The following USP15 variants were observed in gnomAD, a reference collection of about 807,000 sequenced individuals.
USP15 encodes ubiquitin specific peptidase 15.
A neutral mutation model predicts 127.1 loss-of-function variants in USP15; 18 were observed. That is an observed-to-expected ratio of 0.14 (90% CI 0.10 to 0.21). USP15 has a LOEUF of 0.21. Among genes scored for constraint, USP15 ranks in the 10% least tolerant of loss-of-function variants. USP15 has a pLI of 1.00. For missense variants in USP15, 805 were observed against 1,159.9 expected (o/e 0.69, Z 4.44); for synonymous variants, 364 against 393.7 (o/e 0.92, Z 0.89).
At chr12:62,326,846 T>C (rs1394748086) in intron 6 of USP15, among the ~76,000 whole-genome samples, 4 of 152,180 alleles carry the variant, frequency 2.6e-5, no homozygotes, top group Admixed American at 6.6e-5. Context: ...AAAACTACAA[T>C]GCCCTCCGGG....
chr12:62,389,323 C>T (rs1400003656), intron 11 of USP15, 108 bp from the exon 12 acceptor site: 10 of 894,018 alleles, frequency 1.1e-5, no homozygotes, highest in African/African-American at 3.4e-5. Flanking sequence ...GAGACAAACA[C>T]TAATCCAAAT....
At position 62,407,562 on chromosome 12, in the gene USP15, TTTAAAAA is replaced by T. The variant is rs2067910748; in HGVS notation, c.*3192_*3198del. ...TGGAATATTGACTAACCCATTCCCT[TTTAAAAA>T]TTAATTTCATTTAATTTATATACCT... On this transcript the variant is annotated 3_prime_UTR_variant, in exon 22 of 22. Coordinates refer to ENST00000280377, the MANE Select transcript of USP15 (RefSeq NM_001252078.2). 1 of 152,224 alleles carries T rather than the reference TTTAAAAA, an allele frequency of 6.6e-6. No homozygotes were observed. The highest frequency in any genetic ancestry group is 1.5e-5 in the Non-Finnish European group (1 of 68,036). 9.4% of individuals were successfully genotyped at this position (152,224 alleles called of 1,614,324 possible).
chr12:62,361,552 G>A (rs1470004461), intron 8 of USP15, among the ~76,000 whole-genome samples: 1 of 151,908 alleles, frequency 6.6e-6, no homozygotes, highest in East Asian at 1.9e-4. Context: ...GTATTGTAGT[G>A]ACTACATCTT....
rs1159779745 is a variant in USP15 at position 62,405,606 on chromosome 12, T to C, written c.*1231T>C. 6.6e-6 allele frequency: 1 copy of C among 152,590 alleles called. No homozygotes were observed. The highest frequency in any genetic ancestry group is 1.5e-5 in the Non-Finnish European group (1 of 68,008). 9.5% of individuals were successfully genotyped at this position (152,590 alleles called of 1,614,324 possible). On this transcript the variant is annotated 3_prime_UTR_variant, in exon 22 of 22. Transcript: ENST00000280377. ...TATTTGCTGCTTTTTCCCTTTGATATAGTTGAAAGAATGTATTGTAAATTG... is the reference window on the plus strand; with the variant it reads ...TATTTGCTGCTTTTTCCCTTTGATACAGTTGAAAGAATGTATTGTAAATTG...
In USP15 at chr12:62,370,524, T is replaced by C. The variant is rs76419975; in HGVS notation, c.916-10966T>C. 7.0e-3 allele frequency among the ~76,000 whole-genome samples: 1,063 copies of C among 152,302 alleles called. 9 individuals carry two copies. The highest frequency in any genetic ancestry group is 0.023 in the African/African-American group (969 of 41,562). ...GTGTGACCTTGGATAAGAAACTTCGTAGTTTCTTCATCTGTGAAATGAAGA... is the reference window on the plus strand; with the variant it reads ...GTGTGACCTTGGATAAGAAACTTCGCAGTTTCTTCATCTGTGAAATGAAGA... On this transcript the variant is annotated intron_variant, in intron 8 of 21. Transcript: ENST00000280377.
intron 1 of USP15, 71 bp downstream of exon 1, chr12:62,260,574 G>A (rs2063012750): frequency 6.9e-7 from 1 of 1,441,752 alleles, no homozygotes; most frequent in Admixed American, 2.1e-5. Flanking sequence ...GCCGCGAGCT[G>A]GTTCTTTCGC....
At chr12:62,337,591 C>T (rs1214648279) in intron 6 of USP15, among the ~76,000 whole-genome samples, 1 of 151,974 alleles carries the variant, frequency 6.6e-6, no homozygotes, top group Non-Finnish European at 1.5e-5. Flanking sequence ...TTTTAAGCCC[C>T]ACATGCATTA....
At position 62,314,172 on chromosome 12, in the gene USP15, A is replaced by G. The variant is rs1394175726; in HGVS notation, c.349-618A>G. On this transcript the variant is annotated intron_variant, in intron 3 of 21. Coordinates refer to ENST00000280377, the MANE Select transcript of USP15 (RefSeq NM_001252078.2). ...CTAAGTGTGTAGTTAAAGGTCAAAC[A>G]AAGTAAGTCACTGTAGGGTGAAACT... 7.6e-5 allele frequency: 20 copies of G among 261,738 alleles called. No individual in the cohort carries two copies. In the Admixed American group the frequency reaches 1.2e-3, roughly 16 times the overall value. The allele number at this position is 261,738 out of a possible 1,614,324, so 16.2% of individuals were successfully genotyped here.
chr12:62,351,099 A>G (rs1370050932), intron 7 of USP15, among the ~76,000 whole-genome samples: 1 of 152,092 alleles, frequency 6.6e-6, no homozygotes, highest in Non-Finnish European at 1.5e-5. Flanking sequence ...TTTTTCTAGC[A>G]AAATTGTTTA....
At chr12:62,328,285 GT>G (rs1464435377) in intron 6 of USP15, 4 of 453,162 alleles carry the variant, frequency 8.8e-6, no homozygotes, top group African/African-American at 2.0e-5. Context: ...TTTTTTAAAT[GT>G]TTTCAGCTTT....
At chr12:62,317,333 A>G (rs1431259439) in intron 4 of USP15, among the ~76,000 whole-genome samples, 1 of 152,202 alleles carries the variant, frequency 6.6e-6, no homozygotes, top group East Asian at 1.9e-4. Flanking sequence ...TTAAACAAGC[A>G]GGTATCTTCC....
chr12:62,311,545 A>G (rs748896599), intron 3 of USP15, among the ~76,000 whole-genome samples: 12 of 151,766 alleles, frequency 7.9e-5, no homozygotes, highest in Admixed American at 6.6e-5. Context: ...GTAAAGCACT[A>G]TATACAAAAA....
intron 2 of USP15, among the ~76,000 whole-genome samples, chr12:62,295,302 A>T (rs2064097229): frequency 6.6e-6 from 1 of 152,222 alleles, no homozygotes; most frequent in Admixed American, 6.5e-5. Context: ...GTGGAAAACC[A>T]CATAATTTAG....
intron 20 of USP15, among the ~76,000 whole-genome samples, chr12:62,397,734 G>A (rs1312200748): frequency 1.3e-5 from 2 of 151,212 alleles, no homozygotes; most frequent in African/African-American, 2.4e-5. Context: ...GCACGTGCCT[G>A]TAATCCCAGC....
chr12:62,295,655 C>CAGCT (rs1408812792), intron 2 of USP15, among the ~76,000 whole-genome samples: 2 of 152,150 alleles, frequency 1.3e-5, no homozygotes, highest in Admixed American at 6.5e-5. Context: ...GATTGAAACC[C>CAGCT]AGCTCTATGA....
chr12:62,386,233 T>C (rs1428701296), intron 11 of USP15, among the ~76,000 whole-genome samples: 1 of 151,730 alleles, frequency 6.6e-6, no homozygotes, highest in Non-Finnish European at 1.5e-5. Flanking sequence ...GATCACCTCA[T>C]TTCATTAACA....
chr12:62,401,771 AT>A (rs1483146045), intron 21 of USP15, among the ~76,000 whole-genome samples: 1 of 151,600 alleles, frequency 6.6e-6, no homozygotes, highest in Admixed American at 6.6e-5. Flanking sequence ...CTACTTTGAT[AT>A]TTTCTGAATA....
In USP15 at chr12:62,407,622, T is replaced by C. The variant is rs1456710697; in HGVS notation, c.*3247T>C. On this transcript the variant is annotated 3_prime_UTR_variant, in exon 22 of 22. Coordinates refer to ENST00000280377, the MANE Select transcript of USP15 (RefSeq NM_001252078.2). ...ATTACAATTTTAATTAAATGGTAAA[T>C]ACAATGTGACATTTTTTTCTTACCT... 6.6e-6 allele frequency: 1 copy of C among 152,208 alleles called. No individual in the cohort carries two copies. The highest frequency in any genetic ancestry group is 1.5e-5 in the Non-Finnish European group (1 of 68,052). The allele number at this position is 152,208 out of a possible 1,614,324, so 9.4% of individuals were successfully genotyped here. A position where few individuals can be genotyped will look rare whatever the true frequency, so the allele number is the denominator to read the frequency against.
chr12:62,325,187 T>G (rs2065091844), intron 5 of USP15, among the ~76,000 whole-genome samples: 1 of 152,052 alleles, frequency 6.6e-6, no homozygotes, highest in Admixed American at 6.6e-5. Context: ...TTCGGGTGTT[T>G]TAAAATAAAG....
Sources: allele counts gnomAD v4.1 joint callset (sites outside exome capture counted in the v4.1 genomes callset), GRCh38; gene constraint gnomAD v4.1.1; transcripts MANE v1.5; gene names NCBI Gene and HGNC (gene_info 2026-07-23, HGNC 2026-07-21).